Variants in XDH observed in about 807,000 individuals in gnomAD.
XDH encodes xanthine dehydrogenase, also known as xanthine dehydrogenase/oxidase.
A neutral mutation model predicts 156.1 loss-of-function variants in XDH; 138 were observed. The ratio of observed to expected loss-of-function variants is 0.88; its 90% CI spans 0.77 to 1.02. The LOEUF is 1.02. Among genes scored for constraint, XDH ranks in the 50% least tolerant of loss-of-function variants. The pLI, the probability that XDH is intolerant of heterozygous loss-of-function variation, is 0.00. For synonymous variants in XDH, 669 were observed against 625.7 expected (o/e 1.07, Z -1.03); for missense variants, 1,849 against 1,684.9 (o/e 1.10, Z -1.71).
rs1243775796 is a variant in XDH, at chr2:31,337,692, AG to A, written c.3899del (p.Pro1300LeufsTer32). 30 of 1,614,108 alleles carry A rather than the reference AG, an allele frequency of 1.9e-5. No individual in the cohort carries two copies. The highest frequency in any genetic ancestry group is 2.5e-5 in the Non-Finnish European group (29 of 1,180,050). ...CATTGCGGATCTTCTCCGGGGTGGC[AG>A]GGCTGTCTAGCCGGAAGAGTTCCTT... ...NVKELFRLDSPATPEKIRNAC... is the reference protein window; with the variant it reads ...NVKELFRLDSXATPEKIRNAC... On this transcript the variant is annotated frameshift_variant, in exon 35 of 36. Transcript: ENST00000379416. LOFTEE classifies it high-confidence loss of function.
intron 2 of XDH, 76 bp from the exon 3 acceptor site, chr2:31,403,220 G>A: frequency 6.6e-7 from 1 of 1,512,924 alleles, no homozygotes; most frequent in Non-Finnish European, 9.1e-7. Flanking sequence ...CCTGGGCAGA[G>A]CTGTGGGCAG....
At chr2:31,372,431 G>T in intron 16 of XDH, 34 bp from the exon 17 acceptor site, 1 of 1,613,470 alleles carries the variant, frequency 6.2e-7, no homozygotes, top group Non-Finnish European at 8.5e-7. Context: ...AGGGTGAGCT[G>T]CCAAGGACAC....
intron 16 of XDH, among the ~76,000 whole-genome samples, chr2:31,373,536 T>G (rs201193170): frequency 3.4e-4 from 3 of 8,950 alleles, no homozygotes; most frequent in Admixed American, 1.0e-3. Flanking sequence ...ATAGATGGTT[T>G]GTTTGTTTGT....
intron 35 of XDH, among the ~76,000 whole-genome samples, 165 bp downstream of exon 35, chr2:31,337,476 C>T (rs1230075836): frequency 1.3e-5 from 2 of 152,292 alleles, no homozygotes; most frequent in African/African-American, 2.4e-5. Context: ...CTTGCAAGTT[C>T]GAGTGTGTGC....
chr2:31,361,853 G>C (rs993151236), intron 24 of XDH, among the ~76,000 whole-genome samples: 1 of 152,112 alleles, frequency 6.6e-6, no homozygotes, highest in Non-Finnish European at 1.5e-5. Context: ...ACTTGTCCCA[G>C]ACCACAGAAG....
At chr2:31,402,910 C>T (rs1687099682) in intron 3 of XDH, 138 bp downstream of exon 3, 4 of 903,172 alleles carry the variant, frequency 4.4e-6, no homozygotes, top group Middle Eastern at 2.2e-4. Context: ...TACAGTTTTC[C>T]TGTGCACAGA....
intron 4 of XDH, among the ~76,000 whole-genome samples, chr2:31,399,456 G>A (rs1359037624): frequency 6.6e-6 from 1 of 152,086 alleles, no homozygotes. Context: ...ACAAATAAAT[G>A]GACAAGAAGT....
At position 31,394,274 on chromosome 2, in the gene XDH, A is replaced by G. The variant is rs573299507; in HGVS notation, c.495+3394T>C. ...GAAAATATTTCTCACTCGCTTTTGA[A>G]GGATACTTACGGAGGTTACAGAATT... On this transcript the variant is annotated intron_variant, in intron 6 of 35. Coordinates refer to ENST00000379416, the MANE Select transcript of XDH (RefSeq NM_000379.4). 3.3e-5 allele frequency among the ~76,000 whole-genome samples: 5 copies of G among 152,206 alleles called. No individual in the cohort carries two copies. The East Asian group carries it at 9.7e-4, about 29-fold the overall frequency.
chr2:31,406,050 A>G, intron 1 of XDH, 86 bp from the exon 2 acceptor site: 1 of 1,434,226 alleles, frequency 7.0e-7, no homozygotes. Flanking sequence ...TGTCTCACTC[A>G]ATAATTTGTA....
At chr2:31,408,839 G>GT (rs1294789789) in intron 1 of XDH, among the ~76,000 whole-genome samples, 2 of 152,176 alleles carry the variant, frequency 1.3e-5, no homozygotes, top group South Asian at 2.1e-4. Flanking sequence ...GCACTCCTAT[G>GT]TTTTTTGCAG....
chr2:31,392,274 A>G (rs375266934), intron 6 of XDH, among the ~76,000 whole-genome samples: 140 of 151,614 alleles, frequency 9.2e-4, no homozygotes, highest in Non-Finnish European at 1.7e-3. Flanking sequence ...GATTTTCTCT[A>G]TTGATTGTCT....
intron 5 of XDH, 67 bp downstream of exon 5, chr2:31,398,506 C>A: frequency 6.2e-7 from 1 of 1,609,748 alleles, no homozygotes; most frequent in Non-Finnish European, 8.5e-7. Flanking sequence ...CACCCTGGCA[C>A]TTGCCCTGAC....
chr2:31,365,528 G>T lies in XDH; in HGVS notation c.2473C>A (p.Arg825=), dbSNP rs748879270. The change falls in exon 23 of 36, where the codon CGA becomes AGA. Residue 825 remains arginine, a synonymous_variant. Transcript: ENST00000379416. The stretch of plus-strand genomic sequence containing the variant: ...TCCTCATCACGGTCCAGCATGCATC[G>T]CACAGGGCGGCCGGTCCTGGGGGTT... ...LAAYKTGRPV[R]CMLDRDEDML... The T allele has an allele frequency of 1.2e-6, 2 of 1,614,022 alleles. No homozygotes were observed. The highest frequency in any genetic ancestry group is 1.7e-5 in the Admixed American group (1 of 60,004).
At position 31,372,215 on chromosome 2, in the gene XDH, C is replaced by T. The variant is rs546557294; in HGVS notation, c.1856+13G>A. On this transcript the variant is annotated intron_variant, in intron 17 of 35. Coordinates refer to ENST00000379416, the MANE Select transcript of XDH (RefSeq NM_000379.4). Reference sequence around the variant, plus strand: ...ACAGCATTCCACCAGCTCCTCCTGGCGGTGTCACTCACTTGATCTTGGCGT... The same window carrying T: ...ACAGCATTCCACCAGCTCCTCCTGGTGGTGTCACTCACTTGATCTTGGCGT... 5.9e-5 allele frequency: 95 copies of T among 1,614,166 alleles called. No homozygotes were observed. The South Asian group carries it at 6.6e-4, about 11-fold the overall frequency.
At chr2:31,381,275 C>T (rs932128073) in intron 12 of XDH, among the ~76,000 whole-genome samples, 2 of 152,184 alleles carry the variant, frequency 1.3e-5, no homozygotes, top group Non-Finnish European at 2.9e-5. Flanking sequence ...GGATTACAGG[C>T]ATAAGCCACC....
chr2:31,393,757 A>G (rs530022725), intron 6 of XDH, among the ~76,000 whole-genome samples: 3 of 144,974 alleles, frequency 2.1e-5, no homozygotes, highest in African/African-American at 7.6e-5. Flanking sequence ...ATATAATTTC[A>G]TCTCCTTTCC....
At chr2:31,404,081 T>A (rs1687132031) in intron 2 of XDH, among the ~76,000 whole-genome samples, 1 of 151,878 alleles carries the variant, frequency 6.6e-6, no homozygotes, top group Middle Eastern at 3.4e-3. Context: ...CTCACAGATT[T>A]AAAAAAAACA....
intron 24 of XDH, among the ~76,000 whole-genome samples, chr2:31,356,326 G>A (rs562740953): frequency 6.6e-6 from 1 of 152,256 alleles, no homozygotes; most frequent in East Asian, 1.9e-4. Context: ...CCTCCCCAAA[G>A]ATATATTCAC....
intron 24 of XDH, among the ~76,000 whole-genome samples, chr2:31,360,202 T>C (rs1431894407): frequency 1.3e-5 from 2 of 152,180 alleles, no homozygotes; most frequent in African/African-American, 4.8e-5. Flanking sequence ...AATTTATGTT[T>C]TAAATCACAA....
Sources: allele counts gnomAD v4.1 joint callset (sites outside exome capture counted in the v4.1 genomes callset), GRCh38; gene constraint gnomAD v4.1.1; transcripts MANE v1.5; gene names NCBI Gene and HGNC (gene_info 2026-07-23, HGNC 2026-07-21).